The following SCARB1 variants were observed in gnomAD, a reference collection of about 807,000 sequenced individuals.
SCARB1 encodes scavenger receptor class B member 1, also known as CD36 and LIMPII analogous 1.
Under a neutral mutation model 57.2 loss-of-function variants are expected in SCARB1, and 30 were observed. The ratio of observed to expected loss-of-function variants is 0.52; its 90% CI spans 0.39 to 0.71. The LOEUF (loss-of-function observed/expected upper bound fraction) is 0.71, where lower values mean the gene tolerates loss of function less well. SCARB1 is among the 30% of genes least tolerant of loss of function. The pLI, the probability that SCARB1 is intolerant of heterozygous loss-of-function variation, is 0.00. For synonymous variants in SCARB1, 249 were observed against 268.3 expected (o/e 0.93, Z 0.70); for missense variants, 543 against 671.2 (o/e 0.81, Z 2.11).
At chr12:124,859,911 T>C (rs1458436228) in intron 1 of SCARB1, among the ~76,000 whole-genome samples, 1 of 151,914 alleles carries the variant, frequency 6.6e-6, no homozygotes, top group Non-Finnish European at 1.5e-5. Context: ...TGTGTTTTTA[T>C]GGCCTACCCA....
chr12:124,859,467 G>C (rs1361196759), intron 1 of SCARB1, among the ~76,000 whole-genome samples: 1 of 152,018 alleles, frequency 6.6e-6, no homozygotes, highest in African/African-American at 2.4e-5. Flanking sequence ...GGAGGCAGAG[G>C]CTGCAGTGAG....
chr12:124,802,954 A>T (rs1950184862), intron 7 of SCARB1, among the ~76,000 whole-genome samples: 1 of 152,220 alleles, frequency 6.6e-6, no homozygotes, highest in African/African-American at 2.4e-5. Flanking sequence ...TCACGGTCGA[A>T]AAACAGGAAC....
intron 1 of SCARB1, among the ~76,000 whole-genome samples, chr12:124,849,880 T>TGGTG (rs1330912931): frequency 7.8e-6 from 1 of 128,138 alleles, no homozygotes; most frequent in Non-Finnish European, 1.7e-5. Flanking sequence ...CTGGGCAACA[T>TGGTG]AGCAAGACCC....
intron 1 of SCARB1, chr12:124,821,656 G>A: frequency 1.2e-5 from 6 of 497,146 alleles, no homozygotes; most frequent in Non-Finnish European, 1.6e-5. Context: ...CATACAATGG[G>A]CGTAAGGAGA....
chr12:124,817,146 ATGTG>A lies in SCARB1; in HGVS notation c.284+400_284+403del, dbSNP rs1161584580. Among the ~76,000 whole-genome samples the A allele has an allele frequency of 8.7e-6, 1 of 115,386 alleles. No homozygotes were observed. Among genetic ancestry groups the A allele is most frequent in the East Asian group, 2.3e-4 (1 of 4,268 alleles). The allele number at this position is 115,386 out of a possible 152,430, so 75.7% of individuals were successfully genotyped here. On this transcript the variant is annotated intron_variant, in intron 2 of 12. Transcript: ENST00000261693. This position sits in a 1 kb window ranked among gnomAD's most constrained non-coding sequence, Gnocchi z 4.8. ...TATGTATGTGTGTATGTGTATGTGT[ATGTG>A]TGTGTATGTATGTGTGTAACTCACA...
intron 1 of SCARB1, among the ~76,000 whole-genome samples, chr12:124,832,991 AG>A (rs1951469488): frequency 6.6e-6 from 1 of 152,042 alleles, no homozygotes; most frequent in Non-Finnish European, 1.5e-5. Context: ...TCTGGAGCTC[AG>A]GGGGAATCCA....
rs997866076 is a variant in SCARB1 at position 124,854,421 on chromosome 12, C to T, written c.126+9174G>A. Among the ~76,000 whole-genome samples the T allele has an allele frequency of 1.6e-4, 24 of 152,240 alleles. No homozygotes were observed. In the Middle Eastern group the frequency reaches 0.01, roughly 65 times the overall value. On this transcript the variant is annotated intron_variant, in intron 1 of 12. Coordinates refer to ENST00000261693, the MANE Select transcript of SCARB1 (RefSeq NM_005505.5). Reference sequence around the variant, plus strand: ...GGACCTGGCTGTGACTCCTAGGGGACGGGTCTGGCCATGTCAGGGCTTTGA... The same window carrying T: ...GGACCTGGCTGTGACTCCTAGGGGATGGGTCTGGCCATGTCAGGGCTTTGA...
chr12:124,835,672 C>T (rs1951621805), intron 1 of SCARB1, among the ~76,000 whole-genome samples: 1 of 152,210 alleles, frequency 6.6e-6, no homozygotes, highest in Admixed American at 6.5e-5. Context: ...CTTGTCTCTT[C>T]CTGAAACAGA....
At chr12:124,782,478 G>A (rs981600421) in intron 12 of SCARB1, among the ~76,000 whole-genome samples, 2 of 152,096 alleles carry the variant, frequency 1.3e-5, no homozygotes, top group African/African-American at 2.4e-5. Flanking sequence ...TGCCCTCTGG[G>A]ATCAAAAAAA....
intron 9 of SCARB1, among the ~76,000 whole-genome samples, chr12:124,791,660 A>C (rs949590242): frequency 1.3e-5 from 2 of 152,142 alleles, no homozygotes; most frequent in African/African-American, 4.8e-5. Context: ...AAAAGGCTCA[A>C]ATACCACAAT....
At position 124,795,210 on chromosome 12, in the gene SCARB1, G is replaced by T; in HGVS notation, c.1187C>A (p.Ser396Tyr). 1 of 1,613,898 alleles carries T rather than the reference G, an allele frequency of 6.2e-7. No homozygotes were observed. Among genetic ancestry groups the T allele is most frequent in the African/African-American group, 1.3e-5 (1 of 75,036 alleles). ...CCCCACTCACCCAATGCCTGCGACA[G>T]ATTTCATGTAGAGGCTCAGCTGCAG... Reference protein sequence around the residue: ...VKLQLSLYMKSVAGIGQTGKI... With the variant: ...VKLQLSLYMKYVAGIGQTGKI... Residue 396 changes from serine to tyrosine, a missense_variant, in exon 9 of 13, where the codon TCT (serine) becomes TAT (tyrosine). Coordinates refer to ENST00000261693, the MANE Select transcript of SCARB1 (RefSeq NM_005505.5).
chr12:124,855,562 C>T (rs552133279), intron 1 of SCARB1, among the ~76,000 whole-genome samples: 3 of 152,290 alleles, frequency 2.0e-5, no homozygotes, highest in East Asian at 1.9e-4. Context: ...GGGAGGGAGA[C>T]GAGGTAAATA....
chr12:124,855,766 G>A (rs1566264309), intron 1 of SCARB1, among the ~76,000 whole-genome samples: 1 of 152,150 alleles, frequency 6.6e-6, no homozygotes, highest in Admixed American at 6.5e-5. Flanking sequence ...TCAGCCTTGG[G>A]GGGTGTGGCT....
At chr12:124,834,646 G>A (rs1305544055) in intron 1 of SCARB1, among the ~76,000 whole-genome samples, 5 of 152,206 alleles carry the variant, frequency 3.3e-5, no homozygotes, top group African/African-American at 9.6e-5. Flanking sequence ...GGTGGCTCAC[G>A]CCTGTAATCC....
chr12:124,806,647 T>C (rs35472213), intron 7 of SCARB1, among the ~76,000 whole-genome samples: 58 of 152,276 alleles, frequency 3.8e-4, no homozygotes, highest in African/African-American at 1.3e-3. Context: ...GTAATCCCAT[T>C]GCTTTAACAC....
intron 11 of SCARB1, chr12:124,783,858 G>A (rs934922253): frequency 2.0e-5 from 3 of 152,194 alleles, no homozygotes; most frequent in African/African-American, 4.8e-5. Context: ...CACACATAAT[G>A]GGATAAATTT....
At chr12:124,861,485 A>T (rs569011938) in intron 1 of SCARB1, among the ~76,000 whole-genome samples, 42 of 152,184 alleles carry the variant, frequency 2.8e-4, no homozygotes, top group Admixed American at 9.2e-4. Flanking sequence ...ATTAAAAAAA[A>T]AAAATAAAAG....
At chr12:124,844,224 T>C (rs1400782853) in intron 1 of SCARB1, among the ~76,000 whole-genome samples, 1 of 152,064 alleles carries the variant, frequency 6.6e-6, no homozygotes, top group Non-Finnish European at 1.5e-5. Context: ...GATACACACA[T>C]AGGAACACGG....
chr12:124,821,608 T>G (rs191350030), intron 1 of SCARB1: 162 of 897,798 alleles, frequency 1.8e-4, no homozygotes, highest in Admixed American at 4.3e-4. Context: ...TGATCAGGGA[T>G]GGGTCACTGA....
Sources: allele counts gnomAD v4.1 joint callset (sites outside exome capture counted in the v4.1 genomes callset), GRCh38; gene constraint gnomAD v4.1.1; non-coding constraint Gnocchi (gnomAD v3.1); transcripts MANE v1.5; gene names NCBI Gene and HGNC (gene_info 2026-07-23, HGNC 2026-07-21).